CEP85L: variants seen among roughly 807,000 people sequenced by gnomAD.
CEP85L encodes the protein centrosomal protein 85L.
In CEP85L, 60 loss-of-function variants were observed where a neutral mutation model predicts 100.3. That is an observed-to-expected ratio of 0.60 (90% CI 0.49 to 0.74). The LOEUF is 0.74. CEP85L is among the 30% of genes least tolerant of loss of function. The pLI is 0.00. For missense variants in CEP85L, 973 were observed against 936.2 expected (o/e 1.04, Z -0.51); for synonymous variants, 319 against 322.7 (o/e 0.99, Z 0.12).
intron 5 of CEP85L, among the ~76,000 whole-genome samples, chr6:118,499,204 T>C (rs1353259571): frequency 6.6e-6 from 1 of 152,104 alleles, no homozygotes; most frequent in Non-Finnish European, 1.5e-5. Flanking sequence ...TCAGAAAAAG[T>C]AGAGAATATC....
At chr6:118,524,109 A>C (rs986200902) in intron 3 of CEP85L, among the ~76,000 whole-genome samples, 189 bp from the exon 4 acceptor site, 1 of 152,200 alleles carries the variant, frequency 6.6e-6, no homozygotes, top group Non-Finnish European at 1.5e-5. Context: ...AAGGAAATGT[A>C]TACATCTAAT....
intron 2 of CEP85L, among the ~76,000 whole-genome samples, chr6:118,596,828 A>G (rs1399587799): frequency 6.6e-6 from 1 of 151,982 alleles, no homozygotes; most frequent in Admixed American, 6.6e-5. Flanking sequence ...ATTCCTTCTT[A>G]TTTTTATCCA....
At chr6:118,542,917 A>AAAAACAAAAAAAAC (rs1777985906) in intron 3 of CEP85L, among the ~76,000 whole-genome samples, 1 of 150,080 alleles carries the variant, frequency 6.7e-6, no homozygotes, top group Non-Finnish European at 1.5e-5. Flanking sequence ...AAAAAAAAAA[A>AAAAACAAAAAAAAC]AAAAAACAGG....
At chr6:118,502,400 A>T in intron 5 of CEP85L, 1 of 527,928 alleles carries the variant, frequency 1.9e-6, no homozygotes, top group Non-Finnish European at 3.6e-6. Context: ...ATGTTTTAAC[A>T]AAAGGAGGGG....
intron 3 of CEP85L, among the ~76,000 whole-genome samples, chr6:118,552,640 A>G (rs1778617647): frequency 6.6e-6 from 1 of 151,936 alleles, no homozygotes; most frequent in African/African-American, 2.4e-5. Flanking sequence ...AAAAAAAACC[A>G]GAATACCATC....
intron 3 of CEP85L, chr6:118,537,425 T>C: frequency 1.3e-6 from 1 of 760,394 alleles, no homozygotes. Flanking sequence ...TTTAGATGTT[T>C]TACCTAAAAA....
intron 3 of CEP85L, among the ~76,000 whole-genome samples, chr6:118,550,105 T>C (rs1778453932): frequency 6.6e-6 from 1 of 151,904 alleles, no homozygotes; most frequent in Non-Finnish European, 1.5e-5. Flanking sequence ...TTAAGAAGCA[T>C]TAAGTTTTAA....
At chr6:118,670,624 G>A (rs56406560) in intron 1 of CEP85L, among the ~76,000 whole-genome samples, 25,371 of 151,974 alleles carry the variant, frequency 0.17, 2,333 homozygotes, top group Non-Finnish European at 0.21. Flanking sequence ...GCTAGCCACT[G>A]GTTCAAGAAT....
rs555731941 is a variant in CEP85L at position 118,522,434 on chromosome 6, G to A, written c.1139+1368C>T. On this transcript the variant is annotated intron_variant, in intron 4 of 12. Transcript: ENST00000368491. ...CATCCAACTGGGCCTGTACTTATTC[G>A]TATATAACATTCACTTGTACCAGAA... Among the ~76,000 whole-genome samples, 142 of 152,222 alleles carry A rather than the reference G, an allele frequency of 9.3e-4. 2 individuals are homozygous for A. Among genetic ancestry groups the A allele is most frequent in the African/African-American group, 3.3e-3 (139 of 41,546 alleles).
At chr6:118,526,781 A>G (rs1201551224) in intron 3 of CEP85L, among the ~76,000 whole-genome samples, 5 of 152,224 alleles carry the variant, frequency 3.3e-5, no homozygotes, top group Non-Finnish European at 7.3e-5. Context: ...CAGTGCCATA[A>G]CATAGTTTAC....
intron 5 of CEP85L, among the ~76,000 whole-genome samples, chr6:118,503,831 CA>C (rs71012390): frequency 2.3e-4 from 29 of 127,002 alleles, no homozygotes; most frequent in African/African-American, 4.8e-4. Flanking sequence ...TATAAAACTC[CA>C]AAAAAAAAAA....
In CEP85L at chr6:118,632,458, A is replaced by C. The variant is rs1251617550; in HGVS notation, c.227T>G (p.Val76Gly). The C allele has an allele frequency of 6.3e-7, 1 of 1,595,298 alleles. No individual in the cohort carries two copies. Residue 76 changes from valine (V) to glycine (G), a missense_variant, in exon 2 of 13, where the codon GTG becomes GGG. Physicochemically the swap from Val to Gly is moderately radical, Grantham distance 109 (BLOSUM62 -3). Coordinates refer to ENST00000368491, the MANE Select transcript of CEP85L (RefSeq NM_001042475.3). ...CAATAAGAATTTTAGCTCACCTTCCACGCTATCAGAACAGGAAGTTCCAAT... is the reference window on the plus strand; with the variant it reads ...CAATAAGAATTTTAGCTCACCTTCCCCGCTATCAGAACAGGAAGTTCCAAT... ...TGIGTSCSDS[V>G]EDHSTSSGTL...
intron 2 of CEP85L, among the ~76,000 whole-genome samples, chr6:118,623,922 G>A (rs1773615048): frequency 6.6e-6 from 1 of 152,132 alleles, no homozygotes; most frequent in Non-Finnish European, 1.5e-5. Context: ...ATCCCTTGTG[G>A]GAGGGACCAT....
chr6:118,670,414 T>A (rs1431817347), intron 1 of CEP85L, among the ~76,000 whole-genome samples: 2 of 151,520 alleles, frequency 1.3e-5, no homozygotes, highest in Non-Finnish European at 2.9e-5. Context: ...CTGGTGTCTG[T>A]TTTCTCTTCT....
At chr6:118,575,210 C>T (rs909426741) in intron 2 of CEP85L, among the ~76,000 whole-genome samples, 1 of 152,112 alleles carries the variant, frequency 6.6e-6, no homozygotes, top group Non-Finnish European at 1.5e-5. Context: ...AAAAGACAGA[C>T]AATATAATTC....
intron 3 of CEP85L, among the ~76,000 whole-genome samples, chr6:118,547,955 A>C (rs1045164212): frequency 2.0e-5 from 3 of 152,116 alleles, no homozygotes; most frequent in African/African-American, 7.2e-5. Context: ...TTTTTCTCAT[A>C]ATTAAAATTC....
rs973999193 is a variant in CEP85L, at chr6:118,464,799, C to T, written c.*606G>A. 11 of 372 alleles carry T rather than the reference C, an allele frequency of 0.03. No homozygotes were observed. The highest frequency in any genetic ancestry group is 0.044 in the African/African-American group (11 of 250). 0.0% of individuals were successfully genotyped at this position (372 alleles called of 1,614,324 possible). On this transcript the variant is annotated 3_prime_UTR_variant, in exon 13 of 13. Transcript: ENST00000368491. ...ATCTACAGTACTAAAATCAGCTCAA[C>T]CACAAACATCCTATCAGTGCAGTAA... is the stretch of plus-strand genomic sequence containing the variant.
intron 1 of CEP85L, among the ~76,000 whole-genome samples, chr6:118,678,921 A>ATTGT (rs141914886): frequency 9.9e-5 from 15 of 151,678 alleles, no homozygotes; most frequent in African/African-American, 3.6e-4. Flanking sequence ...ACAGAGTGAG[A>ATTGT]CTAAGAAAAT....
At chr6:118,474,150 C>CT (rs1238959775) in intron 10 of CEP85L, among the ~76,000 whole-genome samples, 3 of 151,994 alleles carry the variant, frequency 2.0e-5, no homozygotes, top group Non-Finnish European at 4.4e-5. Flanking sequence ...GGAAATGGTC[C>CT]TAAGAGCATA....
Sources: allele counts gnomAD v4.1 joint callset (sites outside exome capture counted in the v4.1 genomes callset), GRCh38; gene constraint gnomAD v4.1.1; transcripts MANE v1.5; gene names NCBI Gene and HGNC (gene_info 2026-07-23, HGNC 2026-07-21).